The following EPB41 variants were observed in gnomAD, a reference collection of about 807,000 sequenced individuals.
EPB41 encodes erythrocyte membrane protein band 4.1.
EPB41 carries 65 observed loss-of-function variants against 108.0 expected under a neutral mutation model. The ratio of observed to expected loss-of-function variants is 0.60; its 90% confidence interval spans 0.49 to 0.74. EPB41 has a LOEUF of 0.74. Among genes scored for constraint, EPB41 ranks in the 30% least tolerant of loss-of-function variants. The pLI, the probability that EPB41 is intolerant of heterozygous loss-of-function variation, is 0.00. For synonymous variants in EPB41, 336 were observed against 358.9 expected (o/e 0.94, Z 0.72); for missense variants, 875 against 1,037.0 (o/e 0.84, Z 2.15).
chr1:29,108,113 A>G (rs1261960341), intron 17 of EPB41, among the ~76,000 whole-genome samples: 5 of 149,160 alleles, frequency 3.4e-5, no homozygotes, highest in African/African-American at 7.4e-5. Flanking sequence ...ATTGTCACTA[A>G]TGTTGACCTG....
intron 5 of EPB41, among the ~76,000 whole-genome samples, chr1:29,012,628 A>G (rs1402728373): frequency 1.3e-5 from 2 of 152,240 alleles, no homozygotes; most frequent in African/African-American, 4.8e-5. Context: ...TTAGTTTTGA[A>G]GAAACTTCCA....
chr1:28,962,853 G>T (rs933498988), intron 1 of EPB41, among the ~76,000 whole-genome samples: 2 of 151,992 alleles, frequency 1.3e-5, no homozygotes, highest in Non-Finnish European at 2.9e-5. Context: ...TCAGTAGTTG[G>T]GTGTGGGGTT....
chr1:28,992,929 G>A (rs1478351000), intron 2 of EPB41, among the ~76,000 whole-genome samples: 2 of 152,182 alleles, frequency 1.3e-5, no homozygotes, highest in Non-Finnish European at 2.9e-5. Flanking sequence ...TTTAGAATAT[G>A]TAACAAGTCA....
chr1:28,942,722 C>G (rs2148809064), intron 1 of EPB41, among the ~76,000 whole-genome samples: 1 of 152,322 alleles, frequency 6.6e-6, no homozygotes, highest in East Asian at 1.9e-4. Flanking sequence ...CTCCTTTACC[C>G]TCCCTGGAGA....
At chr1:28,911,757 G>A (rs1219135696), upstream of EPB41, among the ~76,000 whole-genome samples, 1 of 152,086 alleles carries the variant, frequency 6.6e-6, no homozygotes, top group Non-Finnish European at 1.5e-5. Flanking sequence ...TTAAGAACAG[G>A]TGTGGCCAGG....
intron 16 of EPB41, among the ~76,000 whole-genome samples, chr1:29,075,694 A>G (rs1324730078): frequency 3.9e-5 from 6 of 152,204 alleles, no homozygotes; most frequent in African/African-American, 1.4e-4. Flanking sequence ...CTTCATATTT[A>G]TAAGATCCTA....
At chr1:29,047,923 A>T (rs1643793795) in intron 11 of EPB41, among the ~76,000 whole-genome samples, 1 of 151,806 alleles carries the variant, frequency 6.6e-6, no homozygotes, top group Non-Finnish European at 1.5e-5. Context: ...AGCTGGGATT[A>T]CAGGCATGCG....
At chr1:28,972,904 A>G (rs2095526650) in intron 1 of EPB41, among the ~76,000 whole-genome samples, 1 of 152,166 alleles carries the variant, frequency 6.6e-6, no homozygotes, top group Non-Finnish European at 1.5e-5. Flanking sequence ...GCAAGGCTTC[A>G]TAAAGAGTAA....
chr1:28,935,256 C>T (rs750202326), intron 1 of EPB41, among the ~76,000 whole-genome samples: 3 of 151,700 alleles, frequency 2.0e-5, no homozygotes, highest in Non-Finnish European at 4.4e-5. Flanking sequence ...CATGGCGAAA[C>T]GCTGTTTCTA....
chr1:29,096,386 C>T, intron 16 of EPB41: 1 of 985,854 alleles, frequency 1.0e-6, no homozygotes, highest in Non-Finnish European at 1.2e-6. Context: ...TAAGGAGATG[C>T]CAAGAGGCCC....
At chr1:28,921,399 G>A (rs375619841) in intron 1 of EPB41, among the ~76,000 whole-genome samples, 62 of 152,200 alleles carry the variant, frequency 4.1e-4, no homozygotes, top group African/African-American at 1.4e-3. Flanking sequence ...CATACAGATT[G>A]TTGAAATTCA....
chr1:29,063,958 T>C lies in EPB41; in HGVS notation c.2008-1024T>C, dbSNP rs2150990212. Among the ~76,000 whole-genome samples, 3 of 152,326 alleles carry C rather than the reference T, an allele frequency of 2.0e-5. 1 individual carries two copies. The highest frequency in any genetic ancestry group is 2.0e-4 in the Admixed American group (3 of 15,302). On this transcript the variant is annotated intron_variant, in intron 15 of 20. Coordinates refer to ENST00000343067, the MANE Select transcript of EPB41 (RefSeq NM_001376013.1). Reference sequence around the variant, plus strand: ...AAACCTGAATATTATTTCTAACTCATGCTTTATTAACCTAAGCTTCATTCA... The same window carrying C: ...AAACCTGAATATTATTTCTAACTCACGCTTTATTAACCTAAGCTTCATTCA...
At position 29,119,956 on chromosome 1, in the gene EPB41, G is replaced by T. The variant is rs371854069; in HGVS notation, c.*3144G>T. ...ATCAAGTCTGCTGTTTTGGCCTTTC[G>T]TAGTAGAAGTGGTTGTAGTGTTTAG... On this transcript the variant is annotated 3_prime_UTR_variant, in exon 21 of 21. Coordinates refer to ENST00000343067, the MANE Select transcript of EPB41 (RefSeq NM_001376013.1). The T allele has an allele frequency of 6.6e-6, 1 of 152,578 alleles. No homozygotes were observed. The highest frequency in any genetic ancestry group is 2.4e-5 in the African/African-American group (1 of 41,424). 9.5% of individuals were successfully genotyped at this position (152,578 alleles called of 1,614,324 possible).
chr1:28,988,167 A>G (rs909875025), intron 2 of EPB41, among the ~76,000 whole-genome samples: 5 of 152,248 alleles, frequency 3.3e-5, no homozygotes, highest in Middle Eastern at 6.8e-3. Flanking sequence ...GGAGGCTGAG[A>G]CAGGAGAAGT....
At chr1:28,971,045 A>G (rs1465685495) in intron 1 of EPB41, among the ~76,000 whole-genome samples, 2 of 151,654 alleles carry the variant, frequency 1.3e-5, no homozygotes, top group Non-Finnish European at 2.9e-5. Flanking sequence ...AGAGGGTTTC[A>G]CCATGTTGGC....
upstream of EPB41, chr1:28,887,116 G>T: frequency 1.4e-6 from 1 of 726,120 alleles, no homozygotes; most frequent in Non-Finnish European, 2.1e-6. This position sits in a 1 kb window ranked among gnomAD's most constrained non-coding sequence, Gnocchi z 4.9. Context: ...GCAGGTGGAG[G>T]CCCCGGCGGG....
intron 4 of EPB41, among the ~76,000 whole-genome samples, chr1:29,007,253 G>A (rs1445800151): frequency 2.0e-5 from 3 of 152,076 alleles, no homozygotes; most frequent in African/African-American, 7.2e-5. Flanking sequence ...TTCATTGCTT[G>A]ACTACACCAC....
chr1:29,109,158 A>G (rs1314801385), intron 17 of EPB41, among the ~76,000 whole-genome samples, 178 bp from the exon 18 acceptor site: 4 of 151,836 alleles, frequency 2.6e-5, no homozygotes, highest in African/African-American at 9.7e-5. Context: ...AGATCACGCC[A>G]CTGCATTCCA....
chr1:29,094,548 G>T (rs1662527033), intron 16 of EPB41, among the ~76,000 whole-genome samples: 1 of 152,162 alleles, frequency 6.6e-6, no homozygotes, highest in Non-Finnish European at 1.5e-5. Context: ...AGAGTGCTGG[G>T]ATTACAGACA....
Sources: allele counts gnomAD v4.1 joint callset (sites outside exome capture counted in the v4.1 genomes callset), GRCh38; gene constraint gnomAD v4.1.1; non-coding constraint Gnocchi (gnomAD v3.1); transcripts MANE v1.5; gene names NCBI Gene and HGNC (gene_info 2026-07-23, HGNC 2026-07-21).